The following DLGAP2 variants were observed in gnomAD, a reference collection of about 807,000 sequenced individuals.
DLGAP2 encodes disks large-associated protein 2.
Under a neutral mutation model 100.3 loss-of-function variants are expected in DLGAP2, and 26 were observed. The ratio of observed to expected loss-of-function variants is 0.26; its 90% confidence interval spans 0.19 to 0.36. The LOEUF (loss-of-function observed/expected upper bound fraction) is 0.36, where lower values mean the gene tolerates loss of function less well. Ranked by LOEUF, DLGAP2 falls within the 10% of genes least tolerant of loss-of-function variation. The probability of loss-of-function intolerance (pLI) is 1.00; values close to 1 mark genes in which losing one functional copy is unlikely to be tolerated. For synonymous variants in DLGAP2, 886 were observed against 630.1 expected, an observed-to-expected ratio of 1.41 and a Z score of -6.08; for missense variants, 1,858 against 1,453.2, an observed-to-expected ratio of 1.28 and a Z score of -4.53.
At chr8:1,499,455 C>T (rs538951422) in intron 3 of DLGAP2, among the ~76,000 whole-genome samples, 3 of 152,352 alleles carry the variant, frequency 2.0e-5, no homozygotes, top group Admixed American at 6.5e-5. Flanking sequence ...ATTACTCACA[C>T]ATATGACGAT....
At chr8:927,023 G>A (rs1009472654) in intron 2 of DLGAP2, 22 of 985,328 alleles carry the variant, frequency 2.2e-5, no homozygotes, top group Non-Finnish European at 2.4e-5. Flanking sequence ...AAGAGAAAGA[G>A]CTCAGAGCCG....
At chr8:1,169,474 A>T (rs7816321) in intron 2 of DLGAP2, among the ~76,000 whole-genome samples, 1 of 151,902 alleles carries the variant, frequency 6.6e-6, no homozygotes, top group South Asian at 2.1e-4. Flanking sequence ...ACCCTGGGCA[A>T]TATGGCCATT....
chr8:1,278,111 G>T (rs1585217012), intron 3 of DLGAP2, among the ~76,000 whole-genome samples: 1 of 152,104 alleles, frequency 6.6e-6, no homozygotes, highest in African/African-American at 2.4e-5. Context: ...GATACCTCAC[G>T]CCAGGTCAGG....
chr8:1,073,399 G>C (rs1040475332), intron 2 of DLGAP2, among the ~76,000 whole-genome samples: 1 of 152,068 alleles, frequency 6.6e-6, no homozygotes, highest in Non-Finnish European at 1.5e-5. Flanking sequence ...TTTTTTTAAT[G>C]ATCATGGGGT....
chr8:1,231,283 T>A (rs977484572), intron 2 of DLGAP2, among the ~76,000 whole-genome samples: 1 of 152,138 alleles, frequency 6.6e-6, no homozygotes, highest in Non-Finnish European at 1.5e-5. Context: ...CAAACCACAA[T>A]GAGATACCAT....
intron 2 of DLGAP2, among the ~76,000 whole-genome samples, chr8:1,082,702 G>GA (rs1803851120): frequency 6.6e-6 from 1 of 152,190 alleles, no homozygotes; most frequent in Non-Finnish European, 1.5e-5. Context: ...TCATCACACA[G>GA]GAAGAGGGTG....
intron 3 of DLGAP2, among the ~76,000 whole-genome samples, chr8:1,417,053 C>A (rs1796907419): frequency 1.3e-5 from 1 of 77,528 alleles, no homozygotes; most frequent in African/African-American, 6.9e-5. Flanking sequence ...CCCACACTGT[C>A]CCCGGCGGGT....
At chr8:1,690,084 C>T (rs983636442) in intron 12 of DLGAP2, among the ~76,000 whole-genome samples, 2 of 152,072 alleles carry the variant, frequency 1.3e-5, no homozygotes, top group East Asian at 1.9e-4. Flanking sequence ...GGGCCGGGTG[C>T]GGTGGCTCAC....
At chr8:1,207,892 C>T (rs1563254029) in intron 2 of DLGAP2, among the ~76,000 whole-genome samples, 1 of 152,042 alleles carries the variant, frequency 6.6e-6, no homozygotes, top group Non-Finnish European at 1.5e-5. Context: ...ATTCCTGTCC[C>T]TGGCCCACTT....
chr8:972,539 C>T (rs1387526543), intron 2 of DLGAP2, among the ~76,000 whole-genome samples: 3 of 151,940 alleles, frequency 2.0e-5, no homozygotes, highest in Non-Finnish European at 4.4e-5. Context: ...GGGCATAGGC[C>T]AGGTAAAAAT....
intron 6 of DLGAP2, among the ~76,000 whole-genome samples, chr8:1,580,432 A>T (rs1180211538): frequency 6.6e-6 from 1 of 152,238 alleles, no homozygotes; most frequent in East Asian, 1.9e-4. Context: ...CGGAGGCTCG[A>T]AGAGAAAGCG....
At chr8:776,288 T>C (rs1821513978) in intron 1 of DLGAP2, among the ~76,000 whole-genome samples, 1 of 152,180 alleles carries the variant, frequency 6.6e-6, no homozygotes, top group African/African-American at 2.4e-5. Context: ...TTGTTGATCC[T>C]TTCAAGAAAC....
At chr8:821,199 A>G (rs1270631682) in intron 1 of DLGAP2, among the ~76,000 whole-genome samples, 1 of 152,248 alleles carries the variant, frequency 6.6e-6, no homozygotes, top group African/African-American at 2.4e-5. Flanking sequence ...CATCAAACAG[A>G]TGTTTGGTCA....
intron 3 of DLGAP2, among the ~76,000 whole-genome samples, chr8:1,479,715 T>C (rs1334793532): frequency 1.3e-5 from 2 of 152,190 alleles, no homozygotes; most frequent in African/African-American, 4.8e-5. Context: ...AAGAAAATAG[T>C]TGATTTCAAG....
At chr8:1,528,167 C>T (rs986536340) in intron 4 of DLGAP2, among the ~76,000 whole-genome samples, 9 of 152,216 alleles carry the variant, frequency 5.9e-5, no homozygotes, top group Admixed American at 2.0e-4. Flanking sequence ...AACAGCACCT[C>T]CTCCTGGGTT....
chr8:1,203,386 G>A (rs56994313), intron 2 of DLGAP2, among the ~76,000 whole-genome samples: 54,251 of 102,740 alleles, frequency 0.53, 22,604 homozygotes, highest in African/African-American at 0.86. Context: ...CTTCGGTGAC[G>A]AGGCCGCCCA....
chr8:1,317,609 A>T (rs554655745), intron 3 of DLGAP2, among the ~76,000 whole-genome samples: 6 of 142,776 alleles, frequency 4.2e-5, no homozygotes, highest in African/African-American at 1.6e-4. Context: ...GTGCGAGTGC[A>T]GCGTCTCTCC....
chr8:824,430 C>T (rs1458848290), intron 1 of DLGAP2, among the ~76,000 whole-genome samples: 1 of 152,108 alleles, frequency 6.6e-6, no homozygotes, highest in Non-Finnish European at 1.5e-5. Context: ...TTAGATGCTG[C>T]CAGGGTTCCC....
rs572441250 is a variant in DLGAP2 at position 882,094 on chromosome 8, C to T, written c.19-25818C>T. 3.9e-5 allele frequency among the ~76,000 whole-genome samples: 6 copies of T among 152,224 alleles called. No individual in the cohort carries two copies. In the South Asian group the frequency reaches 8.3e-4, roughly 21 times the overall value. On this transcript the variant is annotated intron_variant, in intron 1 of 14. Transcript: ENST00000637795. Reference sequence around the variant, plus strand: ...GATATCACCCAGTCCAGAGGCTTCCCTGTAAATACTTGAAATGGCTCCTTA... The same window carrying T: ...GATATCACCCAGTCCAGAGGCTTCCTTGTAAATACTTGAAATGGCTCCTTA...
Sources: allele counts gnomAD v4.1 joint callset (sites outside exome capture counted in the v4.1 genomes callset), GRCh38; gene constraint gnomAD v4.1.1; transcripts MANE v1.5; gene names NCBI Gene and HGNC (gene_info 2026-07-23, HGNC 2026-07-21).